SEC11A: variants seen among roughly 807,000 people sequenced by gnomAD.
SEC11A encodes the protein signal peptidase complex catalytic subunit SEC11A.
A neutral mutation model predicts 25.6 loss-of-function variants in SEC11A; 14 were observed. That is an observed-to-expected ratio of 0.55 (90% CI 0.36 to 0.85). The LOEUF (loss-of-function observed/expected upper bound fraction) is 0.85, where lower values mean the gene tolerates loss of function less well. Ranked by LOEUF, SEC11A falls within the 40% of genes least tolerant of loss-of-function variation. The probability of loss-of-function intolerance (pLI) is 0.01; values close to 1 mark genes in which losing one functional copy is unlikely to be tolerated. For synonymous variants in SEC11A, 83 were observed against 76.4 expected, an observed-to-expected ratio of 1.09 and a Z score of -0.45; for missense variants, 153 against 222.9, an observed-to-expected ratio of 0.69 and a Z score of 2.00.
At chr15:84,698,503 G>A (rs112589365) in intron 1 of SEC11A, among the ~76,000 whole-genome samples, 4 of 152,076 alleles carry the variant, frequency 2.6e-5, no homozygotes, top group East Asian at 1.9e-4. Context: ...TGAAATTGAC[G>A]GTGCTGAAAA....
At chr15:84,695,161 A>AT (rs1485401895) in intron 1 of SEC11A, among the ~76,000 whole-genome samples, 4 of 144,974 alleles carry the variant, frequency 2.8e-5, no homozygotes, top group Non-Finnish European at 6.0e-5. Context: ...GATGCGGATG[A>AT]TTAAAAAAAA....
At chr15:84,679,465 G>C (rs1053436966) in intron 4 of SEC11A, among the ~76,000 whole-genome samples, 1 of 152,190 alleles carries the variant, frequency 6.6e-6, no homozygotes, top group African/African-American at 2.4e-5. Context: ...AACTGAGGAA[G>C]CTTTCACTTA....
chr15:84,680,504 T>C (rs1162003474), intron 4 of SEC11A, among the ~76,000 whole-genome samples: 1 of 152,122 alleles, frequency 6.6e-6, no homozygotes, highest in African/African-American at 2.4e-5. Flanking sequence ...TATTCTTTTA[T>C]TGCACCCCAC....
intron 3 of SEC11A, among the ~76,000 whole-genome samples, chr15:84,685,202 A>C (rs577603156): frequency 3.2e-4 from 48 of 152,256 alleles, no homozygotes; most frequent in African/African-American, 1.0e-3. Context: ...CTGTCTATGA[A>C]TCTGCCCAGA....
chr15:84,679,310 T>A, intron 4 of SEC11A: 1 of 1,128,030 alleles, frequency 8.9e-7, no homozygotes, highest in South Asian at 1.3e-5. Context: ...ATAAAAGTAT[T>A]TTTAGCTCCA....
At chr15:84,687,024 C>G (rs1480787446) in intron 3 of SEC11A, 3 of 152,214 alleles carry the variant, frequency 2.0e-5, no homozygotes, top group Non-Finnish European at 4.4e-5. Flanking sequence ...AGGCGCCCAC[C>G]ACCACACCTG....
Position 84,716,071 on chromosome 15 carries a change from A to T in SEC11A, c.5T>A (p.Leu2Gln). Residue 2 changes from leucine (L) to glutamine (Q), a missense_variant, in exon 1 of 6, where the codon CTG becomes CAG. Transcript: ENST00000268220. ...CACATCGTCCAAAAAGTCTAGAGACAGCATGGCGGGGACGGCGAGCAGGAC... is the reference window on the plus strand; with the variant it reads ...CACATCGTCCAAAAAGTCTAGAGACTGCATGGCGGGGACGGCGAGCAGGAC... M[L>Q]SLDFLDDVRR... The T allele has an allele frequency of 6.2e-7, 1 of 1,613,776 alleles. No homozygotes were observed. The highest frequency in any genetic ancestry group is 8.5e-7 in the Non-Finnish European group (1 of 1,179,768).
chr15:84,697,855 C>A (rs950471819), intron 1 of SEC11A, among the ~76,000 whole-genome samples: 15 of 152,128 alleles, frequency 9.9e-5, no homozygotes, highest in African/African-American at 3.4e-4. Context: ...AGAATAATAA[C>A]CACAGAATTG....
intron 4 of SEC11A, among the ~76,000 whole-genome samples, chr15:84,678,502 CTA>C (rs1567034555): frequency 6.6e-6 from 1 of 152,174 alleles, no homozygotes; most frequent in African/African-American, 2.4e-5. Context: ...TGAATAAAAT[CTA>C]TATGTTCTAT....
chr15:84,684,510 C>T (rs1033521071), intron 3 of SEC11A, among the ~76,000 whole-genome samples: 2 of 152,052 alleles, frequency 1.3e-5, no homozygotes, highest in African/African-American at 2.4e-5. Flanking sequence ...TATAAATTAC[C>T]CAGTCTCAGG....
Position 84,670,709 on chromosome 15 carries a change from TA to T in SEC11A, c.489+15del. 7.9e-7 allele frequency: 1 copy of T among 1,270,180 alleles called. No individual in the cohort carries two copies. Among genetic ancestry groups the T allele is most frequent in the Non-Finnish European group, 1.1e-6 (1 of 902,392 alleles). 78.7% of individuals were successfully genotyped at this position (1,270,180 alleles called of 1,614,324 possible). On this transcript the variant is annotated intron_variant, in intron 5 of 5. Coordinates refer to ENST00000268220, the MANE Select transcript of SEC11A (RefSeq NM_014300.4). ...AGATTACATTTTTTAATAAAACAAA[TA>T]ATACAGACTCTTACCTTAAATTTAG...
At chr15:84,676,481 T>C (rs1007822178) in intron 4 of SEC11A, among the ~76,000 whole-genome samples, 1 of 150,860 alleles carries the variant, frequency 6.6e-6, no homozygotes, top group Admixed American at 6.6e-5. Context: ...TTTTTTTTAA[T>C]GCATAAAGGA....
intron 1 of SEC11A, among the ~76,000 whole-genome samples, chr15:84,708,770 A>G (rs1202400813): frequency 4.6e-5 from 7 of 152,056 alleles, no homozygotes; most frequent in African/African-American, 9.7e-5. Context: ...CCTAGGTGAC[A>G]GAGCGAGACC....
At chr15:84,672,020 G>C (rs1284903035) in intron 4 of SEC11A, 1 of 152,300 alleles carries the variant, frequency 6.6e-6, no homozygotes, top group Non-Finnish European at 1.5e-5. Flanking sequence ...ATTGTACTAA[G>C]CTAGAGCCTG....
intron 2 of SEC11A, among the ~76,000 whole-genome samples, chr15:84,689,596 G>A (rs1025200279): frequency 9.5e-5 from 13 of 137,152 alleles, no homozygotes; most frequent in Admixed American, 6.3e-4. Flanking sequence ...AAACTGTAAT[G>A]TTTCTTTTCT....
At chr15:84,697,425 A>T (rs1897800360) in intron 1 of SEC11A, among the ~76,000 whole-genome samples, 1 of 152,206 alleles carries the variant, frequency 6.6e-6, no homozygotes, top group Admixed American at 6.5e-5. Flanking sequence ...AATCATCAAG[A>T]TCATCTTCCT....
intron 1 of SEC11A, among the ~76,000 whole-genome samples, chr15:84,710,215 T>C (rs1339178718): frequency 6.6e-6 from 1 of 152,218 alleles, no homozygotes; most frequent in Non-Finnish European, 1.5e-5. Context: ...CTCAGATCTA[T>C]AAAAATTATA....
At chr15:84,680,098 A>G in intron 4 of SEC11A, 1 of 544,374 alleles carries the variant, frequency 1.8e-6, no homozygotes, top group Admixed American at 3.3e-5. Flanking sequence ...TTATTGACTT[A>G]GTACTTCTTA....
At chr15:84,696,493 G>A (rs1897770659) in intron 1 of SEC11A, among the ~76,000 whole-genome samples, 1 of 152,112 alleles carries the variant, frequency 6.6e-6, no homozygotes, top group Admixed American at 6.6e-5. Context: ...TAGGACAATA[G>A]ATTCTGGGCC....
Sources: gnomAD v4.1 joint callset for allele counts (sites outside exome capture counted in the v4.1 genomes callset) on GRCh38, gnomAD v4.1.1 for gene constraint, MANE v1.5 for transcripts, NCBI Gene and HGNC (gene_info 2026-07-23, HGNC 2026-07-21) for gene names.